The following CAMK1D variants were observed in gnomAD, a reference collection of about 807,000 sequenced individuals.
The protein encoded by CAMK1D is calcium/calmodulin dependent protein kinase ID, also known as calcium/calmodulin-dependent protein kinase type 1D.
Under a neutral mutation model 47.7 loss-of-function variants are expected in CAMK1D, and 9 were observed. The observed-to-expected ratio is 0.19, with a 90% confidence interval of 0.11 to 0.33. The LOEUF is 0.33. Among genes scored for constraint, CAMK1D ranks in the 10% least tolerant of loss-of-function variants. The pLI is 1.00. For synonymous variants in CAMK1D, 184 were observed against 184.9 expected, an observed-to-expected ratio of 0.99 and a Z score of 0.04; for missense variants, 291 against 488.7, an observed-to-expected ratio of 0.60 and a Z score of 3.81.
chr10:12,481,138 G>A (rs929151115), intron 1 of CAMK1D, among the ~76,000 whole-genome samples: 11 of 152,168 alleles, frequency 7.2e-5, no homozygotes, highest in Admixed American at 3.3e-4. Context: ...ATTGTTACCA[G>A]CCATTATTCC....
rs747253729 is a variant in CAMK1D at position 12,489,180 on chromosome 10, C to T, written c.93-64045C>T. 3.3e-5 allele frequency among the ~76,000 whole-genome samples: 5 copies of T among 152,106 alleles called. No individual in the cohort carries two copies. The South Asian group carries it at 6.2e-4, about 19-fold the overall frequency. On this transcript the variant is annotated intron_variant, in intron 1 of 10. Transcript: ENST00000619168. ...GTCTCGATCCCCTGACCTTGTGATCCGCCGGCCTCGGCCTCCCAAAGTGCT... is the reference window on the plus strand; with the variant it reads ...GTCTCGATCCCCTGACCTTGTGATCTGCCGGCCTCGGCCTCCCAAAGTGCT...
At position 12,679,751 on chromosome 10, in the gene CAMK1D, C is replaced by T. The variant is rs541359975; in HGVS notation, c.299+12941C>T. ...TCTCTTTTCTTTTGCAGCACCACGA[C>T]GGACTAAATCCCTCATAATCCGACC... is the stretch of plus-strand genomic sequence containing the variant. On this transcript the variant is annotated intron_variant, in intron 3 of 10. Coordinates refer to ENST00000619168, the MANE Select transcript of CAMK1D (RefSeq NM_153498.4). Among the ~76,000 whole-genome samples, 35 of 152,258 alleles carry T rather than the reference C, an allele frequency of 2.3e-4. No individual in the cohort carries two copies. The East Asian group carries it at 3.3e-3, about 14-fold the overall frequency.
At chr10:12,765,954 TA>T in intron 4 of CAMK1D, among the ~76,000 whole-genome samples, 1 of 135,662 alleles carries the variant, frequency 7.4e-6, no homozygotes, top group Non-Finnish European at 1.5e-5. Flanking sequence ...GCCCCCATCC[TA>T]ATCTTTTTTT....
chr10:12,691,127 T>C (rs1832860748), intron 3 of CAMK1D, among the ~76,000 whole-genome samples: 1 of 151,902 alleles, frequency 6.6e-6, no homozygotes, highest in African/African-American at 2.4e-5. Context: ...ATCTGGAAAC[T>C]TGCTCTTTCT....
intron 1 of CAMK1D, among the ~76,000 whole-genome samples, chr10:12,362,521 G>A (rs1837698309): frequency 6.6e-6 from 1 of 152,080 alleles, no homozygotes; most frequent in Non-Finnish European, 1.5e-5. Context: ...TGTTTGAGAT[G>A]GAGTCTCGCC....
rs192693695 is a variant in CAMK1D, at chr10:12,806,294, C to T, written c.642-7901C>T. 2.9e-3 allele frequency among the ~76,000 whole-genome samples: 441 copies of T among 152,308 alleles called. 1 individual carries two copies. Among genetic ancestry groups the T allele is most frequent in the Non-Finnish European group, 5.0e-3 (338 of 68,020 alleles). On this transcript the variant is annotated intron_variant, in intron 6 of 10. Coordinates refer to ENST00000619168, the MANE Select transcript of CAMK1D (RefSeq NM_153498.4). ...ATGGCATGAGAATAGGGACTCAGAC[C>T]GTCTGTTCCATGCCTGGGACCTGGT...
At chr10:12,577,948 G>T (rs1464177860) in intron 2 of CAMK1D, among the ~76,000 whole-genome samples, 1 of 152,190 alleles carries the variant, frequency 6.6e-6, no homozygotes, top group Non-Finnish European at 1.5e-5. Flanking sequence ...CAACAAATTG[G>T]TATTCAATGC....
intron 2 of CAMK1D, among the ~76,000 whole-genome samples, chr10:12,661,760 A>G (rs144261855): frequency 5.3e-5 from 8 of 152,372 alleles, no homozygotes; most frequent in African/African-American, 1.9e-4. Flanking sequence ...AAAGGGTAGA[A>G]GATGAGATCT....
At chr10:12,537,712 G>A (rs1158793928) in intron 1 of CAMK1D, among the ~76,000 whole-genome samples, 1 of 152,142 alleles carries the variant, frequency 6.6e-6, no homozygotes, top group East Asian at 1.9e-4. Flanking sequence ...TGTGTTAGTG[G>A]GAAGCCCTTG....
chr10:12,526,817 C>G (rs1835636752), intron 1 of CAMK1D, among the ~76,000 whole-genome samples: 1 of 149,738 alleles, frequency 6.7e-6, no homozygotes, highest in African/African-American at 2.5e-5. Context: ...ACTTGGCAGG[C>G]TGAGGCAGGA....
chr10:12,729,506 T>C (rs971437883), intron 3 of CAMK1D, among the ~76,000 whole-genome samples: 13 of 151,872 alleles, frequency 8.6e-5, no homozygotes, highest in African/African-American at 3.1e-4. Context: ...GGTATGGTGG[T>C]GTGCACTTGT....
In CAMK1D at chr10:12,463,380, C is replaced by G. The variant is rs558427904; in HGVS notation, c.93-89845C>G. ...TTCGAACTCCTGACCTCAAATGATTCACCCACCTCAGCCTCCCAAAGTGTT... is the reference window on the plus strand; with the variant it reads ...TTCGAACTCCTGACCTCAAATGATTGACCCACCTCAGCCTCCCAAAGTGTT... On this transcript the variant is annotated intron_variant, in intron 1 of 10. Transcript: ENST00000619168. 2.8e-4 allele frequency among the ~76,000 whole-genome samples: 42 copies of G among 152,250 alleles called. No homozygotes were observed. The South Asian group carries it at 8.3e-3, about 30-fold the overall frequency.
At chr10:12,744,593 G>A (rs1010709713) in intron 3 of CAMK1D, among the ~76,000 whole-genome samples, 17 of 152,018 alleles carry the variant, frequency 1.1e-4, no homozygotes, top group African/African-American at 3.4e-4. Flanking sequence ...AAAGAAAGGC[G>A]AACCTTAAAA....
intron 1 of CAMK1D, among the ~76,000 whole-genome samples, chr10:12,512,954 G>A (rs777635551): frequency 9.2e-5 from 14 of 152,082 alleles, no homozygotes; most frequent in Non-Finnish European, 1.3e-4. Flanking sequence ...TTCTTTTTCC[G>A]AGCCGAATTA....
intron 4 of CAMK1D, among the ~76,000 whole-genome samples, chr10:12,765,343 C>T (rs1836700648): frequency 6.6e-6 from 1 of 151,696 alleles, no homozygotes; most frequent in Non-Finnish European, 1.5e-5. Context: ...ACTTGGAATA[C>T]AGCTAGACGA....
At chr10:12,532,514 C>T (rs923999262) in intron 1 of CAMK1D, among the ~76,000 whole-genome samples, 3 of 152,178 alleles carry the variant, frequency 2.0e-5, no homozygotes, top group Admixed American at 6.5e-5. Flanking sequence ...CTCCTGACCT[C>T]GTGATCCGTC....
chr10:12,433,387 C>G (rs1832543952), intron 1 of CAMK1D, among the ~76,000 whole-genome samples: 1 of 152,006 alleles, frequency 6.6e-6, no homozygotes, highest in Non-Finnish European at 1.5e-5. Context: ...TAATTTTTTT[C>G]TCAGGTGGAA....
chr10:12,677,800 A>C (rs1588774297), intron 3 of CAMK1D, among the ~76,000 whole-genome samples: 1 of 152,070 alleles, frequency 6.6e-6, no homozygotes, highest in African/African-American at 2.4e-5. Flanking sequence ...GATTTAATCC[A>C]TGAGTGGTTT....
intron 3 of CAMK1D, among the ~76,000 whole-genome samples, chr10:12,738,431 T>C (rs180805157): frequency 3.7e-4 from 57 of 152,356 alleles, no homozygotes; most frequent in African/African-American, 1.3e-3. Flanking sequence ...GAATTCTTTT[T>C]CTAGGAATGG....
Sources: gnomAD v4.1 joint callset for allele counts (sites outside exome capture counted in the v4.1 genomes callset) on GRCh38, gnomAD v4.1.1 for gene constraint, MANE v1.5 for transcripts, NCBI Gene and HGNC (gene_info 2026-07-23, HGNC 2026-07-21) for gene names.